The following FER variants were observed in gnomAD, a reference collection of about 807,000 sequenced individuals.
FER encodes the protein tyrosine-protein kinase Fer.
Under a neutral mutation model 111.0 loss-of-function variants are expected in FER, and 63 were observed. That is an observed-to-expected ratio of 0.57 (90% CI 0.46 to 0.70). The LOEUF (loss-of-function observed/expected upper bound fraction) is 0.70, where lower values mean the gene tolerates loss of function less well. Among genes scored for constraint, FER ranks in the 30% least tolerant of loss-of-function variants. FER has a pLI of 0.00. For missense variants in FER, 914 were observed against 954.0 expected (o/e 0.96, Z 0.55); for synonymous variants, 327 against 313.9 (o/e 1.04, Z -0.44).
intron 5 of FER, chr5:108,841,949 A>G (rs188067720): frequency 9.4e-4 from 161 of 171,990 alleles, no homozygotes; most frequent in African/African-American, 3.7e-3. Context: ...TTGAAAATCA[A>G]CTATTAAAAT....
At chr5:108,836,685 G>C (rs772050880) in intron 5 of FER, among the ~76,000 whole-genome samples, 31 of 152,072 alleles carry the variant, frequency 2.0e-4, no homozygotes, top group Admixed American at 3.3e-4. Context: ...GAAGTAAACA[G>C]CTCCTCCATT....
intron 17 of FER, among the ~76,000 whole-genome samples, chr5:109,171,894 C>T (rs1370112289): frequency 6.6e-6 from 1 of 152,156 alleles, no homozygotes; most frequent in Non-Finnish European, 1.5e-5. Context: ...TGTTCATCAT[C>T]ACTGGCCATC....
chr5:108,790,235 C>CACACA (rs113538613), intron 2 of FER, among the ~76,000 whole-genome samples: 1 of 145,094 alleles, frequency 6.9e-6, no homozygotes, highest in African/African-American at 2.6e-5. Flanking sequence ...TGCATACACA[C>CACACA]CACACACACA....
chr5:109,133,114 T>C (rs544365705), intron 17 of FER, among the ~76,000 whole-genome samples: 2 of 152,328 alleles, frequency 1.3e-5, no homozygotes, highest in African/African-American at 4.8e-5. Context: ...AAGTAAATGT[T>C]AGTATGTTCT....
chr5:109,010,379 G>A (rs1235117948), intron 13 of FER, among the ~76,000 whole-genome samples: 2 of 152,068 alleles, frequency 1.3e-5, no homozygotes, highest in Non-Finnish European at 1.5e-5. Flanking sequence ...GGATGGTGTC[G>A]ATCTCCTGAC....
chr5:108,851,482 A>C (rs1762541267), intron 5 of FER, among the ~76,000 whole-genome samples: 1 of 152,150 alleles, frequency 6.6e-6, no homozygotes, highest in Admixed American at 6.5e-5. Flanking sequence ...AAGCCAAACC[A>C]TATCAGTCAT....
At chr5:108,838,299 A>ACTG (rs1268248876) in intron 5 of FER, among the ~76,000 whole-genome samples, 3 of 152,068 alleles carry the variant, frequency 2.0e-5, no homozygotes, top group Non-Finnish European at 4.4e-5. Flanking sequence ...GGCCCTAGAG[A>ACTG]CTGCGGGGTG....
In FER at chr5:108,798,302, A is replaced by G. The variant is rs1295689079; in HGVS notation, c.120A>G (p.Lys40=). 6.2e-7 allele frequency: 1 copy of G among 1,614,006 alleles called. No homozygotes were observed. The highest frequency in any genetic ancestry group is 8.5e-7 in the Non-Finnish European group (1 of 1,179,866). Residue 40 remains lysine, a synonymous_variant, in exon 3 of 20, where the codon AAA becomes AAG. Transcript: ENST00000281092. ...KFMALRIKSD[K]EYASTLQNLC... Reference sequence around the variant, plus strand: ...TGGCCCTGAGAATAAAAAGTGATAAAGAATATGCATCTACTTTACAGAACC... The same window carrying G: ...TGGCCCTGAGAATAAAAAGTGATAAGGAATATGCATCTACTTTACAGAACC...
chr5:108,983,474 T>A (rs967057835), intron 13 of FER, among the ~76,000 whole-genome samples: 1 of 152,178 alleles, frequency 6.6e-6, no homozygotes, highest in African/African-American at 2.4e-5. Flanking sequence ...GGACAGCTGA[T>A]TCATAGTATT....
intron 13 of FER, among the ~76,000 whole-genome samples, chr5:108,992,842 A>G (rs1345453210): frequency 8.9e-6 from 1 of 112,218 alleles, no homozygotes. Flanking sequence ...GGGCAGAGAC[A>G]CTCCTCACCT....
At chr5:109,091,190 A>G (rs1358057091) in intron 16 of FER, among the ~76,000 whole-genome samples, 1 of 152,220 alleles carries the variant, frequency 6.6e-6, no homozygotes, top group Admixed American at 6.5e-5. Flanking sequence ...CACTCCCATC[A>G]TAGGCCCATA....
intron 10 of FER, among the ~76,000 whole-genome samples, chr5:108,928,636 A>G (rs1375609619): frequency 6.6e-6 from 1 of 152,096 alleles, no homozygotes; most frequent in African/African-American, 2.4e-5. Context: ...ATTAATTTCT[A>G]GCAAAAGGTT....
intron 10 of FER, among the ~76,000 whole-genome samples, chr5:108,931,469 A>G (rs1754666410): frequency 6.6e-6 from 1 of 152,148 alleles, no homozygotes; most frequent in Non-Finnish European, 1.5e-5. Flanking sequence ...CTCTCCTCTT[A>G]GTGTTTTATC....
chr5:109,049,744 A>G (rs1459246374), intron 16 of FER, among the ~76,000 whole-genome samples: 1 of 152,226 alleles, frequency 6.6e-6, no homozygotes, highest in Non-Finnish European at 1.5e-5. Flanking sequence ...TGTAGCTGAC[A>G]TGCAAGTAGA....
chr5:108,890,444 G>A (rs560713597), intron 9 of FER, among the ~76,000 whole-genome samples: 1 of 152,166 alleles, frequency 6.6e-6, no homozygotes, highest in African/African-American at 2.4e-5. Context: ...CTCCAAAGGA[G>A]AATCTGTTTC....
chr5:108,807,629 C>T (rs1266134205), intron 3 of FER, among the ~76,000 whole-genome samples: 4 of 151,940 alleles, frequency 2.6e-5, no homozygotes, highest in Non-Finnish European at 5.9e-5. Flanking sequence ...TTCAGTTTTT[C>T]TTTGGTTTTG....
intron 10 of FER, among the ~76,000 whole-genome samples, chr5:108,919,113 T>C (rs1016974574): frequency 6.6e-6 from 1 of 152,108 alleles, no homozygotes; most frequent in African/African-American, 2.4e-5. Flanking sequence ...GATTAAAAAA[T>C]ATTACTGATG....
At chr5:108,829,401 G>A (rs565116377) in intron 3 of FER, among the ~76,000 whole-genome samples, 1 of 152,292 alleles carries the variant, frequency 6.6e-6, no homozygotes, top group Non-Finnish European at 1.5e-5. Context: ...ACTTTGGGAG[G>A]CTGAGGTGGG....
chr5:109,059,928 T>C (rs1178483911), intron 16 of FER, among the ~76,000 whole-genome samples: 14 of 152,166 alleles, frequency 9.2e-5, no homozygotes, highest in Admixed American at 9.2e-4. Flanking sequence ...AGAACCCAAA[T>C]GTCCATCAGC....
Sources: gnomAD v4.1 joint callset for allele counts (sites outside exome capture counted in the v4.1 genomes callset) on GRCh38, gnomAD v4.1.1 for gene constraint, MANE v1.5 for transcripts, NCBI Gene and HGNC (gene_info 2026-07-23, HGNC 2026-07-21) for gene names.